LRCOL1: variants seen among roughly 807,000 people sequenced by gnomAD.
LRCOL1 encodes the protein leucine rich colipase like 1, also known as leucine-rich colipase-like protein 1.
Under a neutral mutation model 21.6 loss-of-function variants are expected in LRCOL1, and 21 were observed. The ratio of observed to expected loss-of-function variants is 0.97; its 90% CI spans 0.69 to 1.40. The LOEUF is 1.40. Ranked by LOEUF, LRCOL1 falls within the 40% of genes most tolerant of loss-of-function variation. The pLI, the probability that LRCOL1 is intolerant of heterozygous loss-of-function variation, is 0.00. For synonymous variants in LRCOL1, 98 were observed against 90.1 expected, an observed-to-expected ratio of 1.09 and a Z score of -0.49; for missense variants, 198 against 202.3, an observed-to-expected ratio of 0.98 and a Z score of 0.13.
intron 5 of LRCOL1, 45 bp downstream of exon 5, chr12:132,604,209 C>T (rs2041268661): frequency 1.2e-5 from 18 of 1,495,596 alleles, no homozygotes; most frequent in Non-Finnish European, 1.4e-5. Flanking sequence ...TTCCCTGTGG[C>T]GGCCAAGGGA....
chr12:132,607,283 C>T (rs920487078), intron 1 of LRCOL1, among the ~76,000 whole-genome samples: 8 of 152,188 alleles, frequency 5.3e-5, no homozygotes. Context: ...GTTCCAAAGC[C>T]ATACGGGAAA....
In LRCOL1 at chr12:132,606,538, T is replaced by G. The variant is rs916840510; in HGVS notation, c.-13-274A>C. 6.6e-6 allele frequency among the ~76,000 whole-genome samples: 1 copy of G among 152,204 alleles called. No individual in the cohort carries two copies. The highest frequency in any genetic ancestry group is 2.4e-5 in the African/African-American group (1 of 41,452). ...ACTCGTGTGACACATCTGTCCACCA[T>G]TGATAGACCCACAGGGACGTGCCAT... On this transcript the variant is annotated intron_variant, in intron 1 of 5. Coordinates refer to ENST00000376608, the MANE Select transcript of LRCOL1 (RefSeq NM_001195520.2). The surrounding 1 kb of genome is among the most constrained non-coding windows in gnomAD (Gnocchi z 4.6).
At position 132,606,147 on chromosome 12, in the gene LRCOL1, CT is replaced by C. The variant is rs1257988981; in HGVS notation, c.104del (p.Lys35ArgfsTer104). 1 of 1,536,120 alleles carries C rather than the reference CT, an allele frequency of 6.5e-7. No individual in the cohort carries two copies. The highest frequency in any genetic ancestry group is 1.4e-5 in the African/African-American group (1 of 73,050). On this transcript the variant is annotated frameshift_variant and splice_region_variant, in exon 2 of 6. Coordinates refer to ENST00000376608, the MANE Select transcript of LRCOL1 (RefSeq NM_001195520.2). LOFTEE classifies it high-confidence loss of function. The surrounding 1 kb of genome is among the most constrained non-coding windows in gnomAD (Gnocchi z 4.6). ...GGCATCAGGGGTGCCCGGCACCCAC[CT>C]TATGGGACAGGTTCAACTTCTTCTG... is the stretch of plus-strand genomic sequence containing the variant. ...GPQKKLNLSH[K>X]GIGEPCRRHE...
intron 2 of LRCOL1, 102 bp from the exon 3 acceptor site, chr12:132,604,933 A>C: frequency 6.8e-7 from 1 of 1,468,730 alleles, no homozygotes; most frequent in Non-Finnish European, 9.0e-7. Context: ...CTGTGTCACC[A>C]TCCTTCAAAC....
intron 1 of LRCOL1, among the ~76,000 whole-genome samples, chr12:132,607,593 C>G (rs2041324435): frequency 6.6e-6 from 1 of 152,056 alleles, no homozygotes; most frequent in South Asian, 2.1e-4. Context: ...GTCTCTCTGT[C>G]TCTGCCTCTG....
At chr12:132,605,707 C>G (rs914633442) in intron 2 of LRCOL1, 1 of 153,882 alleles carries the variant, frequency 6.5e-6, no homozygotes, top group Non-Finnish European at 1.4e-5. Flanking sequence ...CCAGCCTGGG[C>G]GACAGAGCGA....
Position 132,603,180 on chromosome 12 carries a change from T to C in LRCOL1, c.*222A>G, listed in dbSNP as rs2041246528. The stretch of plus-strand genomic sequence containing the variant: ...TCGGCCAGGAGCCTTTATTGATGTT[T>C]AACAATCAGGCTACACCCCAGTGCC... On this transcript the variant is annotated 3_prime_UTR_variant, in exon 6 of 6. Coordinates refer to ENST00000376608, the MANE Select transcript of LRCOL1 (RefSeq NM_001195520.2). 2 of 550,142 alleles carry C rather than the reference T, an allele frequency of 3.6e-6. No individual in the cohort carries two copies. Among genetic ancestry groups the C allele is most frequent in the South Asian group, 3.2e-5 (1 of 30,960 alleles). 34.1% of individuals were successfully genotyped at this position (550,142 alleles called of 1,614,324 possible).
At chr12:132,603,929 T>TCCAG in intron 5 of LRCOL1, 2 of 1,223,192 alleles carry the variant, frequency 1.6e-6, no homozygotes, top group African/African-American at 3.2e-5. Flanking sequence ...CTGTTCCCTC[T>TCCAG]CCGGCCTGAA....
chr12:132,604,508 A>C lies in LRCOL1; in HGVS notation c.308T>G (p.Leu103Trp). ...CCVRNNSPQE[L>W]CTPQSVFLQC... ...CAGGAAGACGCTTTGGGGCGTGCACAACTCCTGCGGGCTGTTGTTGCGGAC... is the reference window on the plus strand; with the variant it reads ...CAGGAAGACGCTTTGGGGCGTGCACCACTCCTGCGGGCTGTTGTTGCGGAC... The change falls in exon 4 of 6, where the codon TTG becomes TGG. Residue 103 changes from leucine (L) to tryptophan (W), a missense_variant. By Grantham distance (61) the Leu-to-Trp change is moderately conservative. Coordinates refer to ENST00000376608, the MANE Select transcript of LRCOL1 (RefSeq NM_001195520.2). 1 of 1,536,164 alleles carries C rather than the reference A, an allele frequency of 6.5e-7. No homozygotes were observed. Among genetic ancestry groups the C allele is most frequent in the East Asian group, 2.4e-5 (1 of 40,912 alleles).
At chr12:132,609,240 T>C (rs2323971) in intron 1 of LRCOL1, among the ~76,000 whole-genome samples, 32,030 of 152,100 alleles carry the variant, frequency 0.21, 3,930 homozygotes, top group African/African-American at 0.33. Flanking sequence ...TCGTCAAACC[T>C]ACAGAGACAG....
Position 132,603,339 on chromosome 12 carries a change from C to T in LRCOL1, c.*63G>A. 3 of 1,534,678 alleles carry T rather than the reference C, an allele frequency of 2.0e-6. No homozygotes were observed. Among genetic ancestry groups the T allele is most frequent in the Non-Finnish European group, 2.6e-6 (3 of 1,145,720 alleles). On this transcript the variant is annotated 3_prime_UTR_variant, in exon 6 of 6. Transcript: ENST00000376608. Reference sequence around the variant, plus strand: ...TCCGCTGGAACCAGCCCCCGCGCAACGCGGTCCTGCGTGAACATCCCAGGG... The same window carrying T: ...TCCGCTGGAACCAGCCCCCGCGCAATGCGGTCCTGCGTGAACATCCCAGGG...
At chr12:132,609,413 C>T (rs1458174743) in intron 1 of LRCOL1, among the ~76,000 whole-genome samples, 2 of 152,198 alleles carry the variant, frequency 1.3e-5, no homozygotes, top group Admixed American at 6.5e-5. Flanking sequence ...ATCATTAAGA[C>T]GGCCCGGGCA....
intron 5 of LRCOL1, 52 bp downstream of exon 5, chr12:132,604,202 C>A: frequency 6.7e-7 from 1 of 1,493,986 alleles, no homozygotes; most frequent in South Asian, 1.3e-5. Flanking sequence ...GTGCGACTTC[C>A]CTGTGGCGGC....
rs755993080 is a variant in LRCOL1 at position 132,604,748 on chromosome 12, G to A, written c.189C>T (p.Cys63=). The change falls in exon 3 of 6, where the codon TGC becomes TGT. Residue 63 remains cysteine (C), a synonymous_variant. Transcript: ENST00000376608. ...TINSLAPHTL[C]TPKTIFLQCL... Reference sequence around the variant, plus strand: ...ACTGCAGGAAGATGGTCTTAGGGGTGCAGAGCGTGTGTGGGGCCAGGCTGT... The same window carrying A: ...ACTGCAGGAAGATGGTCTTAGGGGTACAGAGCGTGTGTGGGGCCAGGCTGT... 1.9e-5 allele frequency: 29 copies of A among 1,536,200 alleles called. No individual in the cohort carries two copies. The African/African-American group carries it at 3.4e-4, about 18-fold the overall frequency.
intron 1 of LRCOL1, among the ~76,000 whole-genome samples, chr12:132,608,329 C>G (rs553870521): frequency 1.3e-5 from 2 of 152,320 alleles, no homozygotes; most frequent in South Asian, 2.1e-4. Flanking sequence ...GCAGCCTCCC[C>G]GCTCCCAGCA....
rs1342066714 is a variant in LRCOL1 at position 132,603,559 on chromosome 12, G to C, written c.478-155C>G. On this transcript the variant is annotated intron_variant, in intron 5 of 5. Transcript: ENST00000376608. ...AGGCCGACGCCCACGCTCAGCTCGC[G>C]AGAGGGACGCCCACGAGCCGCGCCA... 5 of 985,268 alleles carry C rather than the reference G, an allele frequency of 5.1e-6. No individual in the cohort carries two copies. In the East Asian group the frequency reaches 4.5e-4, roughly 89 times the overall value. 61.0% of individuals were successfully genotyped at this position (985,268 alleles called of 1,614,324 possible).
At chr12:132,607,597 G>A (rs1167556907) in intron 1 of LRCOL1, among the ~76,000 whole-genome samples, 1 of 151,698 alleles carries the variant, frequency 6.6e-6, no homozygotes, top group Non-Finnish European at 1.5e-5. Flanking sequence ...CTCTGTCTCT[G>A]CCTCTGTCTC....
chr12:132,603,210 A>T lies in LRCOL1; in HGVS notation c.*192T>A. The stretch of plus-strand genomic sequence containing the variant: ...ATCAGGCTACACCCCAGTGCCTGGG[A>T]TTTGTTCTCACAGACACTTCGCGCC... On this transcript the variant is annotated 3_prime_UTR_variant, in exon 6 of 6. Transcript: ENST00000376608. 1 of 783,248 alleles carries T rather than the reference A, an allele frequency of 1.3e-6. No homozygotes were observed. The highest frequency in any genetic ancestry group is 2.0e-6 in the Non-Finnish European group (1 of 504,658). The allele number at this position is 783,248 out of a possible 1,614,324, so 48.5% of individuals were successfully genotyped here. A position where few individuals can be genotyped will look rare whatever the true frequency, so the allele number is the denominator to read the frequency against.
At chr12:132,609,847 T>A (rs2041352580) in intron 1 of LRCOL1, among the ~76,000 whole-genome samples, 1 of 152,142 alleles carries the variant, frequency 6.6e-6, no homozygotes, top group South Asian at 2.1e-4. Context: ...TATATGGGGG[T>A]CTCTATTCCG....
Sources: allele counts gnomAD v4.1 joint callset (sites outside exome capture counted in the v4.1 genomes callset), GRCh38; gene constraint gnomAD v4.1.1; non-coding constraint Gnocchi (gnomAD v3.1); transcripts MANE v1.5; gene names NCBI Gene and HGNC (gene_info 2026-07-23, HGNC 2026-07-21).